GRM7: variants seen among roughly 807,000 people sequenced by gnomAD.
GRM7 encodes glutamate metabotropic receptor 7.
In GRM7, 35 loss-of-function variants were observed where a neutral mutation model predicts 84.5. The observed-to-expected ratio is 0.41, with a 90% CI of 0.32 to 0.55. The LOEUF is 0.55. Ranked by LOEUF, GRM7 falls within the 20% of genes least tolerant of loss-of-function variation. The pLI, the probability that GRM7 is intolerant of heterozygous loss-of-function variation, is 0.19. For synonymous variants in GRM7, 487 were observed against 455.1 expected, an observed-to-expected ratio of 1.07 and a Z score of -0.89; for missense variants, 1,003 against 1,194.6, an observed-to-expected ratio of 0.84 and a Z score of 2.36.
intron 1 of GRM7, among the ~76,000 whole-genome samples, chr3:6,958,616 G>A (rs773292406): frequency 2.6e-5 from 4 of 152,074 alleles, no homozygotes; most frequent in Non-Finnish European, 4.4e-5. Flanking sequence ...AGTGACGGTG[G>A]TCTAGACCTT....
intron 1 of GRM7, among the ~76,000 whole-genome samples, chr3:6,865,911 C>T (rs1694923328): frequency 6.6e-6 from 1 of 152,108 alleles, no homozygotes; most frequent in South Asian, 2.1e-4. Context: ...TTGGAATAGT[C>T]TCTATAACAA....
At chr3:7,034,320 G>A (rs1311173552) in intron 1 of GRM7, among the ~76,000 whole-genome samples, 1 of 151,938 alleles carries the variant, frequency 6.6e-6, no homozygotes, top group Non-Finnish European at 1.5e-5. Context: ...TTCATCAGAA[G>A]CTACCCCAGG....
At chr3:6,944,165 C>A (rs1365653929) in intron 1 of GRM7, among the ~76,000 whole-genome samples, 1 of 151,910 alleles carries the variant, frequency 6.6e-6, no homozygotes, top group Non-Finnish European at 1.5e-5. Context: ...GCATGGTTTT[C>A]TTTTTTCTTT....
Position 7,692,683 on chromosome 3 carries a change from A to T in GRM7, c.2698+12388A>T, listed in dbSNP as rs189188163. On this transcript the variant is annotated intron_variant, in intron 9 of 9. Transcript: ENST00000357716. ...GTCTTATTGACAGGTGGCAAAACTG[A>T]CTTAGAGCAGTGAATTAACTTTCTA... Among the ~76,000 whole-genome samples the T allele has an allele frequency of 1.7e-3, 254 of 152,332 alleles. 2 individuals are homozygous for T. The highest frequency in any genetic ancestry group is 3.1e-3 in the Non-Finnish European group (209 of 68,036).
intron 2 of GRM7, among the ~76,000 whole-genome samples, chr3:7,263,282 G>A (rs1275362340): frequency 2.6e-5 from 4 of 152,140 alleles, no homozygotes; most frequent in Admixed American, 2.0e-4. Flanking sequence ...CTCAAGGTTG[G>A]TATAACCTGC....
At chr3:7,351,511 G>A (rs1217187193) in intron 4 of GRM7, among the ~76,000 whole-genome samples, 1 of 152,026 alleles carries the variant, frequency 6.6e-6, no homozygotes, top group African/African-American at 2.4e-5. Flanking sequence ...GTTGCATGCA[G>A]CATTGCTTCT....
At chr3:7,487,161 G>C (rs1005488784) in intron 7 of GRM7, among the ~76,000 whole-genome samples, 1 of 152,156 alleles carries the variant, frequency 6.6e-6, no homozygotes, top group African/African-American at 2.4e-5. Context: ...TTCTGGAAGA[G>C]ATTTCTAAGC....
chr3:6,933,225 A>G (rs1697571960), intron 1 of GRM7, among the ~76,000 whole-genome samples: 3 of 152,234 alleles, frequency 2.0e-5, no homozygotes, highest in Admixed American at 2.0e-4. Context: ...CAATTATATT[A>G]TAGCACTTGA....
intron 7 of GRM7, among the ~76,000 whole-genome samples, chr3:7,553,854 A>G (rs1575487186): frequency 2.0e-5 from 3 of 152,230 alleles, no homozygotes; most frequent in Admixed American, 6.5e-5. Flanking sequence ...CCTAACCCAT[A>G]TCAGTTCTTA....
intron 8 of GRM7, among the ~76,000 whole-genome samples, chr3:7,663,476 G>A (rs1015552464): frequency 2.0e-5 from 3 of 152,110 alleles, no homozygotes; most frequent in African/African-American, 4.8e-5. Flanking sequence ...TAGATCCCTC[G>A]GTCCTCAAGG....
At chr3:7,051,977 G>T (rs1697018681) in intron 1 of GRM7, among the ~76,000 whole-genome samples, 1 of 151,408 alleles carries the variant, frequency 6.6e-6, no homozygotes, top group South Asian at 2.1e-4. Context: ...TTTTGTGCCA[G>T]AAGATAAGAT....
At chr3:7,472,321 A>G (rs1698734990) in intron 7 of GRM7, among the ~76,000 whole-genome samples, 1 of 152,190 alleles carries the variant, frequency 6.6e-6, no homozygotes, top group South Asian at 2.1e-4. Context: ...GAGTTCACAT[A>G]ATTGTGTAAA....
Position 6,861,434 on chromosome 3 carries a change from T to G in GRM7, c.46T>G (p.Phe16Val). The G allele has an allele frequency of 6.3e-7, 1 of 1,596,872 alleles. No homozygotes were observed. Among genetic ancestry groups the G allele is most frequent in the South Asian group, 1.1e-5 (1 of 89,090 alleles). ...KLLRVLTLMK[F>V]PCCVLEVLLC... Reference sequence around the variant, plus strand: ...GCTCCGCGTCCTGACTTTGATGAAGTTCCCCTGCTGCGTGCTGGAGGTGCT... The same window carrying G: ...GCTCCGCGTCCTGACTTTGATGAAGGTCCCCTGCTGCGTGCTGGAGGTGCT... Residue 16 changes from phenylalanine to valine, a missense_variant, in exon 1 of 10, where the codon TTC (phenylalanine) becomes GTC (valine). Physicochemically the swap from Phe to Val is conservative, Grantham distance 50 (BLOSUM62 -1). Transcript: ENST00000357716. The surrounding 1 kb of genome is among the most constrained non-coding windows in gnomAD (Gnocchi z 6.4).
At position 6,890,837 on chromosome 3, in the gene GRM7, A is replaced by G. The variant is rs937682339; in HGVS notation, c.519+28930A>G. 3.0e-4 allele frequency among the ~76,000 whole-genome samples: 45 copies of G among 152,078 alleles called. No homozygotes were observed. The Middle Eastern group carries it at 0.01, about 34-fold the overall frequency. On this transcript the variant is annotated intron_variant, in intron 1 of 9. Coordinates refer to ENST00000357716, the MANE Select transcript of GRM7 (RefSeq NM_000844.4). ...GTCTAATGTTGACAGTGGGGTGTTA[A>G]AGTCTCCCATTATTATTGTGTGGGA...
At chr3:7,183,917 G>T (rs1297843961) in intron 2 of GRM7, among the ~76,000 whole-genome samples, 1 of 152,136 alleles carries the variant, frequency 6.6e-6, no homozygotes, top group African/African-American at 2.4e-5. Flanking sequence ...GAACATGAGG[G>T]TGCATTAGGA....
chr3:6,908,624 T>A (rs1696662211), intron 1 of GRM7, among the ~76,000 whole-genome samples: 1 of 152,150 alleles, frequency 6.6e-6, no homozygotes, highest in African/African-American at 2.4e-5. Flanking sequence ...TCACTGTACC[T>A]GTCCTCGCAC....
intron 7 of GRM7, among the ~76,000 whole-genome samples, chr3:7,516,758 A>G (rs1293187673): frequency 6.6e-6 from 1 of 152,088 alleles, no homozygotes; most frequent in Non-Finnish European, 1.5e-5. Flanking sequence ...TTTGAAGGTT[A>G]TTGCCACCAT....
intron 5 of GRM7, among the ~76,000 whole-genome samples, chr3:7,439,565 C>A (rs1697200590): frequency 6.6e-6 from 1 of 152,180 alleles, no homozygotes; most frequent in Non-Finnish European, 1.5e-5. Flanking sequence ...GGTAAAATCC[C>A]AGACCCTTCA....
In GRM7 at chr3:7,246,262, G is replaced by C. The variant is rs113266435; in HGVS notation, c.737-52422G>C. 6.6e-3 allele frequency among the ~76,000 whole-genome samples: 1,005 copies of C among 152,218 alleles called. 5 individuals carry two copies. The highest frequency in any genetic ancestry group is 0.014 in the Middle Eastern group (4 of 294). ...AAACATCAGCTATGTGGCAAATGTGGCTCCAGATTAGCCTATTGCATCTAC... is the reference window on the plus strand; with the variant it reads ...AAACATCAGCTATGTGGCAAATGTGCCTCCAGATTAGCCTATTGCATCTAC... On this transcript the variant is annotated intron_variant, in intron 2 of 9. Transcript: ENST00000357716.
Sources: gnomAD v4.1 joint callset for allele counts (sites outside exome capture counted in the v4.1 genomes callset) on GRCh38, gnomAD v4.1.1 for gene constraint, Gnocchi (gnomAD v3.1) non-coding constraint, MANE v1.5 for transcripts, NCBI Gene and HGNC (gene_info 2026-07-23, HGNC 2026-07-21) for gene names.